The following PITPNC1 variants were observed in gnomAD, a reference collection of about 807,000 sequenced individuals.
PITPNC1 encodes cytoplasmic phosphatidylinositol transfer protein 1.
Under a neutral mutation model 44.7 loss-of-function variants are expected in PITPNC1, and 18 were observed. That is an observed-to-expected ratio of 0.40 (90% CI 0.28 to 0.60). The LOEUF (loss-of-function observed/expected upper bound fraction) is 0.60. Among genes scored for constraint, PITPNC1 ranks in the 20% least tolerant of loss-of-function variants. PITPNC1 has a pLI of 0.39. For synonymous variants in PITPNC1, 141 were observed against 149.6 expected (o/e 0.94, Z 0.42); for missense variants, 290 against 418.4 (o/e 0.69, Z 2.68).
chr17:67,674,126 G>A (rs562225544), intron 7 of PITPNC1, among the ~76,000 whole-genome samples: 2 of 152,052 alleles, frequency 1.3e-5, no homozygotes, highest in Non-Finnish European at 2.9e-5. Flanking sequence ...GTGAGGAATG[G>A]GGTATCCATC....
chr17:67,515,001 G>T (rs1406197206), intron 1 of PITPNC1, among the ~76,000 whole-genome samples: 2 of 152,140 alleles, frequency 1.3e-5, no homozygotes, highest in Admixed American at 1.3e-4. Flanking sequence ...TTATTAACTA[G>T]TGCTCAGTCT....
At chr17:67,439,634 ATATT>A (rs2038984278) in intron 1 of PITPNC1, among the ~76,000 whole-genome samples, 1 of 152,198 alleles carries the variant, frequency 6.6e-6, no homozygotes, top group African/African-American at 2.4e-5. Context: ...AAAATTATAT[ATATT>A]TATAATATAC....
chr17:67,640,668 G>A (rs9909557), intron 6 of PITPNC1, among the ~76,000 whole-genome samples: 9,976 of 129,036 alleles, frequency 0.077, 569 homozygotes, highest in African/African-American at 0.17. Context: ...GTGACAGAGC[G>A]AGACTCTGTT....
chr17:67,489,637 G>A (rs184531096), intron 1 of PITPNC1, among the ~76,000 whole-genome samples: 13 of 152,320 alleles, frequency 8.5e-5, no homozygotes, highest in Admixed American at 7.2e-4. Flanking sequence ...GCTTCCAGGC[G>A]AGTCTAATAT....
At chr17:67,646,575 T>C (rs1382728258) in intron 6 of PITPNC1, among the ~76,000 whole-genome samples, 1 of 152,004 alleles carries the variant, frequency 6.6e-6, no homozygotes, top group Non-Finnish European at 1.5e-5. Context: ...CAAGCTGGAG[T>C]GCAGTGATGC....
chr17:67,568,856 A>G (rs1271011994), intron 4 of PITPNC1, among the ~76,000 whole-genome samples: 3 of 152,178 alleles, frequency 2.0e-5, no homozygotes, highest in Non-Finnish European at 4.4e-5. Flanking sequence ...TTTCTTTTAC[A>G]TTGTAAAGTG....
At chr17:67,602,947 C>T (rs1000133451) in intron 5 of PITPNC1, among the ~76,000 whole-genome samples, 4 of 151,862 alleles carry the variant, frequency 2.6e-5, no homozygotes, top group Non-Finnish European at 5.9e-5. Context: ...TGCCATGTTT[C>T]CCAGGCTGGT....
chr17:67,457,071 A>G (rs2039264422), intron 1 of PITPNC1: 1 of 151,188 alleles, frequency 6.6e-6, no homozygotes, highest in African/African-American at 2.4e-5. Context: ...AGTGGCCACT[A>G]CTGATCAGCA....
chr17:67,664,662 G>A (rs59557808), intron 6 of PITPNC1, among the ~76,000 whole-genome samples: 2,523 of 152,204 alleles, frequency 0.017, 80 homozygotes, highest in African/African-American at 0.057. Context: ...CCAGCACTTC[G>A]GGAGGTCGAG....
chr17:67,675,110 T>C (rs930543879), intron 7 of PITPNC1, among the ~76,000 whole-genome samples: 2 of 151,720 alleles, frequency 1.3e-5, no homozygotes, highest in African/African-American at 4.8e-5. Flanking sequence ...CTCCCACAGA[T>C]GAAAAGTAGA....
intron 8 of PITPNC1, among the ~76,000 whole-genome samples, chr17:67,682,969 G>A (rs1028936071): frequency 3.3e-5 from 5 of 152,036 alleles, no homozygotes; most frequent in African/African-American, 1.2e-4. Flanking sequence ...CGACCAGCCT[G>A]GCCAACATGG....
intron 6 of PITPNC1, among the ~76,000 whole-genome samples, chr17:67,662,032 G>A (rs1238007210): frequency 1.3e-5 from 2 of 148,354 alleles, no homozygotes; most frequent in African/African-American, 5.3e-5. Flanking sequence ...CTTTAGGTAG[G>A]ACCATCAGCA....
At chr17:67,502,473 C>T (rs1035567616) in intron 1 of PITPNC1, among the ~76,000 whole-genome samples, 5 of 152,068 alleles carry the variant, frequency 3.3e-5, no homozygotes, top group Non-Finnish European at 7.4e-5. Context: ...ATTTAAGGAA[C>T]GGGTTGGCCC....
chr17:67,549,625 G>A (rs1296379257), intron 2 of PITPNC1, among the ~76,000 whole-genome samples: 1 of 152,128 alleles, frequency 6.6e-6, no homozygotes, highest in Admixed American at 6.5e-5. Flanking sequence ...CTGTGGCTCA[G>A]GAGTATAGTT....
chr17:67,606,277 T>G (rs946577816), intron 5 of PITPNC1, among the ~76,000 whole-genome samples: 1 of 152,238 alleles, frequency 6.6e-6, no homozygotes, highest in Non-Finnish European at 1.5e-5. Flanking sequence ...CAGAAGTATT[T>G]TCTTTATCAA....
intron 5 of PITPNC1, among the ~76,000 whole-genome samples, chr17:67,601,328 T>C (rs2041536858): frequency 6.6e-6 from 1 of 152,182 alleles, no homozygotes; most frequent in Non-Finnish European, 1.5e-5. Flanking sequence ...GGAGAGATTC[T>C]AAAACCCAGG....
At chr17:67,441,990 A>G (rs1468719486) in intron 1 of PITPNC1, among the ~76,000 whole-genome samples, 1 of 151,226 alleles carries the variant, frequency 6.6e-6, no homozygotes, top group African/African-American at 2.4e-5. Flanking sequence ...AGTAGAATAA[A>G]CTCTGCTGAG....
intron 1 of PITPNC1, among the ~76,000 whole-genome samples, chr17:67,385,053 TGTGATTTCTGTGTGATCCAG>T (rs1272453304): frequency 6.6e-6 from 1 of 152,216 alleles, no homozygotes; most frequent in African/African-American, 2.4e-5. Context: ...GGGTCATGCG[TGTGATTTCTGTGTGATCCAG>T]GTGGTTTCCT....
At chr17:67,622,497 A>G (rs1159600608) in intron 5 of PITPNC1, among the ~76,000 whole-genome samples, 1 of 57,928 alleles carries the variant, frequency 1.7e-5, no homozygotes, top group Non-Finnish European at 3.5e-5. Context: ...GGTTTTCATC[A>G]TTGGTGGTAG....
Sources: allele counts gnomAD v4.1 joint callset (sites outside exome capture counted in the v4.1 genomes callset), GRCh38; gene constraint gnomAD v4.1.1; transcripts MANE v1.5; gene names NCBI Gene and HGNC (gene_info 2026-07-23, HGNC 2026-07-21).